The following CHML variants were observed in gnomAD, a reference collection of about 807,000 sequenced individuals.
CHML encodes CHM like Rab escort protein.
Under a neutral mutation model 30.4 loss-of-function variants are expected in CHML, and 20 were observed. The ratio of observed to expected loss-of-function variants is 0.66; its 90% CI spans 0.46 to 0.95. The LOEUF (loss-of-function observed/expected upper bound fraction) is 0.95, where lower values mean the gene tolerates loss of function less well. Ranked by LOEUF, CHML falls within the 40% of genes least tolerant of loss-of-function variation. CHML has a pLI of 0.00. For missense variants in CHML, 795 were observed against 768.5 expected, an observed-to-expected ratio of 1.03 and a Z score of -0.41; for synonymous variants, 281 against 275.0, an observed-to-expected ratio of 1.02 and a Z score of -0.22.
chr1:241,637,855 G>A (rs947030936), intron 1 of CHML, among the ~76,000 whole-genome samples: 4 of 152,102 alleles, frequency 2.6e-5, no homozygotes, highest in African/African-American at 7.2e-5. Context: ...AACAGATAGG[G>A]CAAGCCTCTC....
intron 1 of CHML, 110 bp downstream of exon 1, chr1:241,639,772 C>G (rs1665042915): frequency 2.8e-5 from 29 of 1,017,930 alleles, no homozygotes; most frequent in Non-Finnish European, 3.6e-5. Flanking sequence ...GGCGCGGGGC[C>G]GAGCGGGAAG....
intron 1 of CHML, among the ~76,000 whole-genome samples, chr1:241,639,659 C>A (rs1409798471): frequency 1.4e-5 from 2 of 142,498 alleles, no homozygotes; most frequent in East Asian, 2.1e-4. Flanking sequence ...TCCTGGACAG[C>A]GTGGGGCGGG....
At position 241,630,187 on chromosome 1, in the gene CHML, C is replaced by T. The variant is rs1664574004; in HGVS notation, c.*3609G>A. 6.6e-6 allele frequency: 1 copy of T among 151,998 alleles called. No homozygotes were observed. Among genetic ancestry groups the T allele is most frequent in the South Asian group, 2.1e-4 (1 of 4,830 alleles). 9.4% of individuals were successfully genotyped at this position (151,998 alleles called of 1,614,324 possible). ...TAGGAGTGACTTTCCCAAGAGTATA[C>T]AACTGGTAAGTAGTGAAATGAGAAC... On this transcript the variant is annotated 3_prime_UTR_variant, in exon 2 of 2. Transcript: ENST00000366553.
In CHML at chr1:241,630,236, C is replaced by A. The variant is rs1488191425; in HGVS notation, c.*3560G>T. On this transcript the variant is annotated 3_prime_UTR_variant, in exon 2 of 2. Coordinates refer to ENST00000366553, the MANE Select transcript of CHML (RefSeq NM_001381853.1). ...ACTGTAATTCTGGTTTTCAAAAAAACTCCCCATCTCCCCATGTACTACTTT... is the reference window on the plus strand; with the variant it reads ...ACTGTAATTCTGGTTTTCAAAAAAAATCCCCATCTCCCCATGTACTACTTT... The A allele has an allele frequency of 1.3e-5, 2 of 151,990 alleles. No homozygotes were observed. The highest frequency in any genetic ancestry group is 3.9e-4 in the East Asian group (2 of 5,190). The allele number at this position is 151,990 out of a possible 1,614,324, so 9.4% of individuals were successfully genotyped here. A position where few individuals can be genotyped will look rare whatever the true frequency, so the allele number is the denominator to read the frequency against.
chr1:241,632,877 T>TCTCCTTAGGAATTCCTAAGAATTC lies in CHML; in HGVS notation c.*895_*918dup, dbSNP rs1163607449. On this transcript the variant is annotated 3_prime_UTR_variant, in exon 2 of 2. Transcript: ENST00000366553. ...CAGGTTAAAAAGGCCTCACTCTGTT[T>TCTCCTTAGGAATTCCTAAGAATTC]CTCCTTAGGAATTCCTAAGAATTCC... is the stretch of plus-strand genomic sequence containing the variant. 3 of 152,038 alleles carry TCTCCTTAGGAATTCCTAAGAATTC rather than the reference T, an allele frequency of 2.0e-5. No individual in the cohort carries two copies. The highest frequency in any genetic ancestry group is 4.8e-5 in the African/African-American group (2 of 41,398). The allele number at this position is 152,038 out of a possible 1,614,324, so 9.4% of individuals were successfully genotyped here.
In CHML at chr1:241,634,787, T is replaced by A. The variant is rs1342542285; in HGVS notation, c.980A>T (p.Lys327Ile). Residue 327 changes from lysine (K) to isoleucine (I), a missense_variant, in exon 2 of 2, where the codon AAA becomes ATA. Transcript: ENST00000366553. ...FRQCSFSEYL[K>I]TKKLTPNLQH... ...AAGGTTGGGAGTTAGTTTTTTAGTT[T>A]TTAAGTATTCTGAAAATGAACACTG... The A allele has an allele frequency of 6.2e-7, 1 of 1,613,846 alleles. No individual in the cohort carries two copies. The highest frequency in any genetic ancestry group is 1.3e-5 in the African/African-American group (1 of 74,914).
In CHML at chr1:241,639,904, G is replaced by A; in HGVS notation, c.-330C>T. ...CACCGAAGAGGCTGCCGCTAAACCC[G>A]TCCCACACGCAGCCCACGGTGTCCC... On this transcript the variant is annotated 5_prime_UTR_variant, in exon 1 of 2. The change creates a new upstream start codon in the 5' untranslated region. Coordinates refer to ENST00000366553, the MANE Select transcript of CHML (RefSeq NM_001381853.1). 6.3e-7 allele frequency: 1 copy of A among 1,593,104 alleles called. No individual in the cohort carries two copies. Among genetic ancestry groups the A allele is most frequent in the Non-Finnish European group, 8.5e-7 (1 of 1,170,302 alleles).
chr1:241,634,633 G>A lies in CHML; in HGVS notation c.1134C>T (p.Pro378=). Residue 378 remains proline (P), a synonymous_variant, in exon 2 of 2, where the codon CCC becomes CCT. Coordinates refer to ENST00000366553, the MANE Select transcript of CHML (RefSeq NM_001381853.1). ...GGGGAATTTCTCCTTGGCCATACAA[G>A]GGAAATAAAAAGGGGGTGTTGCCAA... The part of the protein sequence containing the change: ...GRFGNTPFLF[P]LYGQGEIPQG... 1 of 1,613,852 alleles carries A rather than the reference G, an allele frequency of 6.2e-7. No individual in the cohort carries two copies. Among genetic ancestry groups the A allele is most frequent in the Admixed American group, 1.7e-5 (1 of 59,976 alleles).
rs750507360 is a variant in CHML, at chr1:241,634,707, T to C, written c.1060A>G (p.Ile354Val). Residue 354 changes from isoleucine (I) to valine (V), a missense_variant, in exon 2 of 2, where the codon ATA becomes GTA. Ile to Val is a conservative substitution (Grantham distance 29, BLOSUM62 3). Transcript: ENST00000366553. ...TTTTTAGTTGCGTTAAGACCATCTA[T>C]TGTAGTGCAAGATGATTCTGATGTC... ...AMTSESSCTTIDGLNATKNFL... is the reference protein window; with the variant it reads ...AMTSESSCTTVDGLNATKNFL... 3 of 1,614,016 alleles carry C rather than the reference T, an allele frequency of 1.9e-6. No homozygotes were observed. Among genetic ancestry groups the C allele is most frequent in the Non-Finnish European group, 2.5e-6 (3 of 1,179,902 alleles).
At position 241,629,254 on chromosome 1, in the gene CHML, G is replaced by A. The variant is rs1664522117; in HGVS notation, c.*4542C>T. 2 of 152,174 alleles carry A rather than the reference G, an allele frequency of 1.3e-5. No homozygotes were observed. Among genetic ancestry groups the A allele is most frequent in the South Asian group, 4.2e-4 (2 of 4,816 alleles). The allele number at this position is 152,174 out of a possible 1,614,324, so 9.4% of individuals were successfully genotyped here. ...TTTTCCTGGGCATATGCCACTCAAA[G>A]TGAGTATGTCAAAAGATCAGTTATA... On this transcript the variant is annotated 3_prime_UTR_variant, in exon 2 of 2. Coordinates refer to ENST00000366553, the MANE Select transcript of CHML (RefSeq NM_001381853.1).
In CHML at chr1:241,634,343, G is replaced by A; in HGVS notation, c.1424C>T (p.Ser475Phe). ...CTCTGCTGGAGGAACTATCAGAATG[G>A]AAGTCTGCTGATCTAAATCTGTCTT... is the stretch of plus-strand genomic sequence containing the variant. ...ILKTDLDQQT[S>F]ILIVPPAEPG... Residue 475 changes from serine to phenylalanine, a missense_variant, in exon 2 of 2, where the codon TCC becomes TTC. Coordinates refer to ENST00000366553, the MANE Select transcript of CHML (RefSeq NM_001381853.1). 6.2e-7 allele frequency: 1 copy of A among 1,613,996 alleles called. No individual in the cohort carries two copies.
intron 1 of CHML, among the ~76,000 whole-genome samples, chr1:241,636,296 G>A (rs1018654720): frequency 1.3e-5 from 2 of 152,104 alleles, no homozygotes; most frequent in Admixed American, 6.6e-5. Flanking sequence ...AATAGAGAAT[G>A]AACATAATGT....
At chr1:241,637,296 G>C (rs2148031691) in intron 1 of CHML, among the ~76,000 whole-genome samples, 1 of 152,188 alleles carries the variant, frequency 6.6e-6, no homozygotes, top group South Asian at 2.1e-4. Context: ...ATTGCATAGG[G>C]CACACACCTT....
rs1664876804 is a variant in CHML at position 241,635,824 on chromosome 1, T to C, written c.-58A>G. 7 of 1,508,614 alleles carry C rather than the reference T, an allele frequency of 4.6e-6. No individual in the cohort carries two copies. The highest frequency in any genetic ancestry group is 3.9e-5 in the South Asian group (3 of 77,594). 93.5% of individuals were successfully genotyped at this position (1,508,614 alleles called of 1,614,324 possible). On this transcript the variant is annotated 5_prime_UTR_variant, in exon 2 of 2. Transcript: ENST00000366553. ...TGATGAAAGAAATGAGGTGTGATTA[T>C]GCTGTAATAAAATCTGTCCTTCTGA...
Position 241,634,630 on chromosome 1 carries a change from C to T in CHML, c.1137G>A (p.Leu379=). Residue 379 remains leucine, a synonymous_variant, in exon 2 of 2, where the codon TTG becomes TTA. Transcript: ENST00000366553. ...CCTGGGGAATTTCTCCTTGGCCATA[C>T]AAGGGAAATAAAAAGGGGGTGTTGC... ...RFGNTPFLFP[L]YGQGEIPQGF... The T allele has an allele frequency of 6.2e-7, 1 of 1,613,826 alleles. No homozygotes were observed. The highest frequency in any genetic ancestry group is 2.2e-5 in the East Asian group (1 of 44,876).
chr1:241,640,142 G>A lies in CHML; in HGVS notation c.-568C>T. The A allele has an allele frequency of 6.4e-7, 1 of 1,566,398 alleles. No individual in the cohort carries two copies. The highest frequency in any genetic ancestry group is 8.6e-7 in the Non-Finnish European group (1 of 1,159,066). On this transcript the variant is annotated 5_prime_UTR_variant, in exon 1 of 2. Coordinates refer to ENST00000366553, the MANE Select transcript of CHML (RefSeq NM_001381853.1). Reference sequence around the variant, plus strand: ...CAGCGCCAGGCGCTCGTAGGTGCCGGGGCTGAAGAGGGGCGCGGGGCTCAG... The same window carrying A: ...CAGCGCCAGGCGCTCGTAGGTGCCGAGGCTGAAGAGGGGCGCGGGGCTCAG...
chr1:241,636,408 TA>T (rs371426238), intron 1 of CHML, among the ~76,000 whole-genome samples: 109 of 152,334 alleles, frequency 7.2e-4, no homozygotes, highest in African/African-American at 2.3e-3. Context: ...GAGCTTAGAC[TA>T]AAAGGAACGC....
chr1:241,630,406 CCAAA>C lies in CHML; in HGVS notation c.*3386_*3389del, dbSNP rs889347877. On this transcript the variant is annotated 3_prime_UTR_variant, in exon 2 of 2. Coordinates refer to ENST00000366553, the MANE Select transcript of CHML (RefSeq NM_001381853.1). ...TTAAAAGTCTCATATATATTAATAACCAAACACACTTTTTAAATTGCAGTTTGTC... is the reference window on the plus strand; with the variant it reads ...TTAAAAGTCTCATATATATTAATAACCACACTTTTTAAATTGCAGTTTGTC... 9.2e-5 allele frequency: 14 copies of C among 152,028 alleles called. No homozygotes were observed. The highest frequency in any genetic ancestry group is 1.5e-4 in the Non-Finnish European group (10 of 67,908). The allele number at this position is 152,028 out of a possible 1,614,324, so 9.4% of individuals were successfully genotyped here.
rs1349487595 is a variant in CHML at position 241,631,767 on chromosome 1, T to C, written c.*2029A>G. ...ATATGTTTGTTTAGTTCATCTTATC[T>C]TCACATTTCTCTGATTCAATAAGCT... On this transcript the variant is annotated 3_prime_UTR_variant, in exon 2 of 2. Coordinates refer to ENST00000366553, the MANE Select transcript of CHML (RefSeq NM_001381853.1). 6.6e-6 allele frequency: 1 copy of C among 152,170 alleles called. No homozygotes were observed. Among genetic ancestry groups the C allele is most frequent in the African/African-American group, 2.4e-5 (1 of 41,460 alleles). 9.4% of individuals were successfully genotyped at this position (152,170 alleles called of 1,614,324 possible).
Sources: allele counts gnomAD v4.1 joint callset (sites outside exome capture counted in the v4.1 genomes callset), GRCh38; gene constraint gnomAD v4.1.1; transcripts MANE v1.5; gene names NCBI Gene and HGNC (gene_info 2026-07-23, HGNC 2026-07-21).